The following FN3KRP variants were observed in gnomAD, a reference collection of about 807,000 sequenced individuals.
FN3KRP encodes ketosamine-3-kinase.
In FN3KRP, 33 loss-of-function variants were observed where a neutral mutation model predicts 29.8. The observed-to-expected ratio is 1.11, with a 90% confidence interval of 0.84 to 1.48. FN3KRP has a LOEUF of 1.48. Among genes scored for constraint, FN3KRP ranks in the 40% most tolerant of loss-of-function variants. The probability of loss-of-function intolerance (pLI) is 0.00; values close to 1 mark genes in which losing one functional copy is unlikely to be tolerated. For missense variants in FN3KRP, 430 were observed against 402.6 expected, an observed-to-expected ratio of 1.07 and a Z score of -0.58; for synonymous variants, 157 against 155.2, an observed-to-expected ratio of 1.01 and a Z score of -0.09.
chr17:82,722,827 CGGCCCTTTGT>C lies in FN3KRP; in HGVS notation c.415_424del (p.Phe139GlyfsTer7). ...AGGGAGAGGAGGTGGGCAGGAGGAA[CGGCCCTTTGT>C]GGCCCGGTTTGGATTTGACGTGGTG... is the stretch of plus-strand genomic sequence containing the variant. On this transcript the variant is annotated frameshift_variant, in exon 4 of 6. Transcript: ENST00000269373. LOFTEE classifies it high-confidence loss of function. 1.2e-6 allele frequency: 2 copies of C among 1,613,994 alleles called. No homozygotes were observed. The highest frequency in any genetic ancestry group is 2.7e-5 in the African/African-American group (2 of 75,040).
intron 4 of FN3KRP, among the ~76,000 whole-genome samples, chr17:82,725,851 T>C (rs192005095): frequency 1.1e-3 from 173 of 152,294 alleles, no homozygotes; most frequent in Admixed American, 3.1e-3. Context: ...TGATGAACTA[T>C]TGTCAGCTGC....
intron 3 of FN3KRP, among the ~76,000 whole-genome samples, 159 bp downstream of exon 3, chr17:82,720,522 T>C (rs531067271): frequency 1.7e-4 from 26 of 152,354 alleles, no homozygotes; most frequent in African/African-American, 6.0e-4. Context: ...CACGGTGCAC[T>C]GAACACAGTG....
In FN3KRP at chr17:82,719,120, G is replaced by T. The variant is rs548053519; in HGVS notation, c.293+63G>T. 2.7e-4 allele frequency: 389 copies of T among 1,439,308 alleles called. 4 individuals carry two copies. In the South Asian group the frequency reaches 4.4e-3, roughly 16 times the overall value. The allele number at this position is 1,439,308 out of a possible 1,614,324, so 89.2% of individuals were successfully genotyped here. A position where few individuals can be genotyped will look rare whatever the true frequency, so the allele number is the denominator to read the frequency against. On this transcript the variant is annotated intron_variant, in intron 2 of 5. Transcript: ENST00000269373. Reference sequence around the variant, plus strand: ...CTGAGCAGGTGTGTCTTCACACCTTGTTTTATTATGTGTGTCTTCACACCA... The same window carrying T: ...CTGAGCAGGTGTGTCTTCACACCTTTTTTTATTATGTGTGTCTTCACACCA...
In FN3KRP at chr17:82,727,122, C is replaced by T. The variant is rs756898501; in HGVS notation, c.881C>T (p.Ser294Leu). Residue 294 changes from serine (S) to leucine (L), a missense_variant, in exon 6 of 6, where the codon TCG becomes TTG. Physicochemically the swap from Ser to Leu is moderately radical, Grantham distance 145. Transcript: ENST00000269373. ...HYLNHWNHFG[S>L]GYRGSSLNIM... Reference sequence around the variant, plus strand: ...TTGAACCACTGGAATCATTTTGGATCGGGGTACAGAGGATCCTCCCTGAAC... The same window carrying T: ...TTGAACCACTGGAATCATTTTGGATTGGGGTACAGAGGATCCTCCCTGAAC... 47 of 1,613,962 alleles carry T rather than the reference C, an allele frequency of 2.9e-5. No individual in the cohort carries two copies. The highest frequency in any genetic ancestry group is 3.3e-4 in the Middle Eastern group (2 of 6,084).
At chr17:82,726,628 A>G in intron 5 of FN3KRP, 26 bp downstream of exon 5, 1 of 1,597,474 alleles carries the variant, frequency 6.3e-7, no homozygotes, top group East Asian at 2.2e-5. Context: ...CTGCATGCCC[A>G]GCACCTGCCA....
At position 82,726,880 on chromosome 17, in the gene FN3KRP, A is replaced by G. The variant is rs2143621972; in HGVS notation, c.639A>G (p.Leu213=). 2 of 1,578,726 alleles carry G rather than the reference A, an allele frequency of 1.3e-6. No individual in the cohort carries two copies. The highest frequency in any genetic ancestry group is 1.7e-6 in the Non-Finnish European group (2 of 1,162,662). Residue 213 remains leucine (L), a synonymous_variant, in exon 6 of 6, where the codon TTA becomes TTG. Transcript: ENST00000269373. ...GTGACCTGGAGATCATCCCAGCCTT[A>G]CTCCACGGGGACCTCTGGGGTGGAA... The part of the protein sequence containing the change: ...LFRDLEIIPA[L]LHGDLWGGNV...
intron 3 of FN3KRP, among the ~76,000 whole-genome samples, chr17:82,722,369 C>T (rs985107117): frequency 5.9e-5 from 9 of 152,146 alleles, no homozygotes; most frequent in East Asian, 1.9e-4. Flanking sequence ...TGCTGACCTC[C>T]GGTGATCCGC....
rs777539256 is a variant in FN3KRP at position 82,727,038 on chromosome 17, A to G, written c.797A>G (p.Lys266Arg). Residue 266 changes from lysine to arginine, a missense_variant, in exon 6 of 6, where the codon AAA becomes AGA. Physicochemically the swap from Lys to Arg is conservative, Grantham distance 26. Coordinates refer to ENST00000269373, the MANE Select transcript of FN3KRP (RefSeq NM_024619.4). ...SSSFYSAYHG[K>R]IPKAPGFEKR... Reference sequence around the variant, plus strand: ...TCCTTTTACTCCGCCTACCACGGCAAAATCCCCAAGGCCCCAGGATTCGAG... The same window carrying G: ...TCCTTTTACTCCGCCTACCACGGCAGAATCCCCAAGGCCCCAGGATTCGAG... 4 of 1,614,156 alleles carry G rather than the reference A, an allele frequency of 2.5e-6. No homozygotes were observed. The highest frequency in any genetic ancestry group is 3.3e-5 in the Admixed American group (2 of 60,002).
intron 3 of FN3KRP, 152 bp from the exon 4 acceptor site, chr17:82,722,652 T>C (rs2046806252): frequency 3.2e-6 from 2 of 633,486 alleles, no homozygotes; most frequent in South Asian, 2.0e-5. Flanking sequence ...GGGTGTTGTG[T>C]GAGCTGGTGG....
intron 1 of FN3KRP, among the ~76,000 whole-genome samples, chr17:82,717,681 T>C (rs1316734051): frequency 6.6e-6 from 1 of 152,058 alleles, no homozygotes; most frequent in African/African-American, 2.4e-5. Flanking sequence ...ATCGCGCCAC[T>C]GCACTCCAGC....
chr17:82,719,720 A>T lies in FN3KRP; in HGVS notation c.294-552A>T, dbSNP rs567008683. Among the ~76,000 whole-genome samples, 38 of 150,614 alleles carry T rather than the reference A, an allele frequency of 2.5e-4. No individual in the cohort carries two copies. In the South Asian group the frequency reaches 8.0e-3, roughly 32 times the overall value. On this transcript the variant is annotated intron_variant, in intron 2 of 5. Coordinates refer to ENST00000269373, the MANE Select transcript of FN3KRP (RefSeq NM_024619.4). ...CAGTGAGCTGAGATCGCACCACTGC[A>T]CTCTAGCCTGGGCAGTAGAGCGAGA...
intron 1 of FN3KRP, among the ~76,000 whole-genome samples, chr17:82,717,199 G>T (rs1437497456): frequency 6.6e-6 from 1 of 150,614 alleles, no homozygotes; most frequent in Non-Finnish European, 1.5e-5. Flanking sequence ...CGTGAAATGG[G>T]GCGGGACTGG....
At chr17:82,720,453 G>A in intron 3 of FN3KRP, 90 bp downstream of exon 3, 4 of 1,030,176 alleles carry the variant, frequency 3.9e-6, no homozygotes, top group Admixed American at 2.2e-5. Context: ...CAGCAGCCGT[G>A]GGAGGGTCGG....
intron 5 of FN3KRP, 98 bp from the exon 6 acceptor site, chr17:82,726,735 A>C (rs115618035): frequency 6.7e-6 from 10 of 1,498,420 alleles, no homozygotes; most frequent in Non-Finnish European, 8.1e-6. Flanking sequence ...GTGGTGTGCT[A>C]TCCGCTGCTG....
intron 4 of FN3KRP, among the ~76,000 whole-genome samples, chr17:82,723,703 G>C (rs1262742599): frequency 6.6e-6 from 1 of 152,188 alleles, no homozygotes; most frequent in Admixed American, 6.5e-5. Context: ...GCGCATGACT[G>C]TGTGCCTGAT....
chr17:82,723,525 A>G (rs1456975576), intron 4 of FN3KRP, among the ~76,000 whole-genome samples: 2 of 151,212 alleles, frequency 1.3e-5, no homozygotes, highest in East Asian at 1.9e-4. Context: ...GTGTGTGCAT[A>G]TGTGTATTTG....
intron 4 of FN3KRP, among the ~76,000 whole-genome samples, chr17:82,724,894 C>T (rs578215032): frequency 8.6e-5 from 13 of 151,654 alleles, no homozygotes; most frequent in South Asian, 4.2e-4. Flanking sequence ...CTGCAAGTTC[C>T]GCCTCCCAGG....
chr17:82,722,939 C>G, intron 4 of FN3KRP, 53 bp downstream of exon 4: 1 of 1,530,762 alleles, frequency 6.5e-7, no homozygotes, highest in Non-Finnish European at 9.0e-7. Flanking sequence ...TGTTCAGACA[C>G]ACGGGTTGGG....
intron 2 of FN3KRP, among the ~76,000 whole-genome samples, chr17:82,719,829 C>T (rs370849393): frequency 2.0e-5 from 3 of 152,196 alleles, no homozygotes; most frequent in Non-Finnish European, 4.4e-5. Context: ...ACACCTTTAT[C>T]CCCCTCTTGC....
Sources: gnomAD v4.1 joint callset for allele counts (sites outside exome capture counted in the v4.1 genomes callset) on GRCh38, gnomAD v4.1.1 for gene constraint, MANE v1.5 for transcripts, NCBI Gene and HGNC (gene_info 2026-07-23, HGNC 2026-07-21) for gene names.